ST8SIA2: variants seen among roughly 807,000 people sequenced by gnomAD.
The protein encoded by ST8SIA2 is alpha-2,8-sialyltransferase 8B.
In ST8SIA2, 22 loss-of-function variants were observed where a neutral mutation model predicts 37.6. The observed-to-expected ratio is 0.58, with a 90% CI of 0.42 to 0.83. ST8SIA2 has a LOEUF of 0.83. Among genes scored for constraint, ST8SIA2 ranks in the 40% least tolerant of loss-of-function variants. ST8SIA2 has a pLI of 0.00. For synonymous variants in ST8SIA2, 205 were observed against 201.2 expected, an observed-to-expected ratio of 1.02 and a Z score of -0.16; for missense variants, 382 against 484.7, an observed-to-expected ratio of 0.79 and a Z score of 1.99.
intron 4 of ST8SIA2, among the ~76,000 whole-genome samples, chr15:92,442,196 A>G (rs1421616371): frequency 6.6e-6 from 1 of 151,554 alleles, no homozygotes; most frequent in Non-Finnish European, 1.5e-5. Flanking sequence ...TCACTGAGGC[A>G]CAGTCATTGG....
At chr15:92,419,416 A>C (rs1271963893) in intron 1 of ST8SIA2, among the ~76,000 whole-genome samples, 2 of 152,188 alleles carry the variant, frequency 1.3e-5, no homozygotes, top group African/African-American at 4.8e-5. Context: ...ATTTGGGCTC[A>C]TCTCTCCATT....
At chr15:92,439,039 T>C (rs116575511) in intron 4 of ST8SIA2, among the ~76,000 whole-genome samples, 1 of 152,264 alleles carries the variant, frequency 6.6e-6, no homozygotes, top group African/African-American at 2.4e-5. Flanking sequence ...GGTTAAATCA[T>C]TGGGTGAAAT....
chr15:92,445,114 G>A (rs1195687311), intron 5 of ST8SIA2, 185 bp downstream of exon 5: 14 of 845,918 alleles, frequency 1.7e-5, no homozygotes, highest in Middle Eastern at 7.0e-4. Context: ...TGGCAAGTGG[G>A]TTTCATCTGG....
At chr15:92,431,254 T>A (rs551323575) in intron 2 of ST8SIA2, among the ~76,000 whole-genome samples, 12 of 152,298 alleles carry the variant, frequency 7.9e-5, no homozygotes, top group Admixed American at 5.2e-4. Context: ...CACAGTCTCA[T>A]ATGAATCAAG....
chr15:92,453,735 T>A (rs1596249087), intron 5 of ST8SIA2, among the ~76,000 whole-genome samples: 1 of 152,006 alleles, frequency 6.6e-6, no homozygotes, highest in Middle Eastern at 3.4e-3. Flanking sequence ...AGAGAGAAGG[T>A]TCCAAGGAAC....
chr15:92,453,677 C>CTA (rs2049899168), intron 5 of ST8SIA2, among the ~76,000 whole-genome samples: 1 of 152,190 alleles, frequency 6.6e-6, no homozygotes, highest in Admixed American at 6.5e-5. Context: ...GGTGCCAGGC[C>CTA]AGAGAGGGGC....
intron 1 of ST8SIA2, among the ~76,000 whole-genome samples, chr15:92,427,124 T>C (rs183842492): frequency 1.3e-4 from 20 of 152,186 alleles, no homozygotes; most frequent in African/African-American, 4.6e-4. Flanking sequence ...TATGAGGTGA[T>C]GGATATGTTA....
chr15:92,406,629 C>T (rs139070633), intron 1 of ST8SIA2, among the ~76,000 whole-genome samples: 105 of 152,316 alleles, frequency 6.9e-4, no homozygotes, highest in African/African-American at 2.5e-3. Context: ...CCAGGGGTAG[C>T]CTGTCAGTGT....
chr15:92,430,979 C>T (rs747291645), intron 2 of ST8SIA2, among the ~76,000 whole-genome samples: 6 of 152,122 alleles, frequency 3.9e-5, no homozygotes, highest in African/African-American at 7.2e-5. Flanking sequence ...CTGTGAAGTA[C>T]ATCTGTCCCT....
intron 5 of ST8SIA2, among the ~76,000 whole-genome samples, chr15:92,448,924 G>T (rs934172971): frequency 6.6e-6 from 1 of 151,388 alleles, no homozygotes; most frequent in Admixed American, 6.6e-5. Context: ...TAAACCCCCT[G>T]TTTATAGGGT....
chr15:92,434,366 T>C lies in ST8SIA2; in HGVS notation c.281T>C (p.Leu94Pro). Residue 94 changes from leucine to proline, a missense_variant, in exon 3 of 6, where the codon CTG becomes CCG. Physicochemically the swap from Leu to Pro is moderately conservative, Grantham distance 98. Coordinates refer to ENST00000268164, the MANE Select transcript of ST8SIA2 (RefSeq NM_006011.4). ...TGGAGACATAACCAGACGCTCTCTC[T>C]GAGGATCAGGTACTGGTAATTACCT... The part of the protein sequence containing the change: ...SKWRHNQTLS[L>P]RIRKQILKFL... The C allele has an allele frequency of 6.2e-7, 1 of 1,614,200 alleles. No homozygotes were observed. The highest frequency in any genetic ancestry group is 1.1e-5 in the South Asian group (1 of 91,078).
chr15:92,395,522 T>G (rs1475949417), intron 1 of ST8SIA2, among the ~76,000 whole-genome samples: 1 of 152,098 alleles, frequency 6.6e-6, no homozygotes, highest in East Asian at 1.9e-4. Context: ...AGAACCCCTC[T>G]CCCTGCCTCT....
intron 5 of ST8SIA2, among the ~76,000 whole-genome samples, chr15:92,455,524 C>A (rs931487241): frequency 2.0e-5 from 3 of 152,074 alleles, no homozygotes; most frequent in Non-Finnish European, 4.4e-5. Flanking sequence ...CAAAAATAAC[C>A]CCTTTTTACA....
At chr15:92,399,404 A>G (rs2049454555) in intron 1 of ST8SIA2, among the ~76,000 whole-genome samples, 1 of 152,184 alleles carries the variant, frequency 6.6e-6, no homozygotes, top group Admixed American at 6.5e-5. Context: ...GGAAAACACT[A>G]GACAAGGAGA....
At chr15:92,452,503 C>T (rs1378058324) in intron 5 of ST8SIA2, among the ~76,000 whole-genome samples, 1 of 152,174 alleles carries the variant, frequency 6.6e-6, no homozygotes, top group African/African-American at 2.4e-5. Context: ...TCCCAATTTT[C>T]TAAACAGGAG....
intron 2 of ST8SIA2, 152 bp downstream of exon 2, chr15:92,430,263 G>A: frequency 2.5e-6 from 2 of 807,140 alleles, no homozygotes; most frequent in East Asian, 2.7e-5. Context: ...CTTTTGGGGG[G>A]AGCTGTCAAT....
chr15:92,463,410 G>A (rs1433787404), intron 5 of ST8SIA2, among the ~76,000 whole-genome samples: 1 of 152,192 alleles, frequency 6.6e-6, no homozygotes, highest in Admixed American at 6.5e-5. Flanking sequence ...AGTCACCCTT[G>A]GTCAGAGATG....
intron 1 of ST8SIA2, among the ~76,000 whole-genome samples, chr15:92,408,345 C>G (rs1229361206): frequency 6.6e-6 from 1 of 152,104 alleles, no homozygotes; most frequent in Non-Finnish European, 1.5e-5. Context: ...CTCCCCACAC[C>G]ATGTTTGTTG....
intron 4 of ST8SIA2, among the ~76,000 whole-genome samples, chr15:92,440,282 C>T (rs1048983084): frequency 2.0e-5 from 3 of 152,156 alleles, no homozygotes; most frequent in Non-Finnish European, 4.4e-5. Context: ...ACAGTCTGTA[C>T]TCCAGCCCAG....
Sources: allele counts gnomAD v4.1 joint callset (sites outside exome capture counted in the v4.1 genomes callset), GRCh38; gene constraint gnomAD v4.1.1; transcripts MANE v1.5; gene names NCBI Gene and HGNC (gene_info 2026-07-23, HGNC 2026-07-21).